Variants in PRKG1 observed in about 807,000 individuals in gnomAD.
PRKG1 encodes the protein cGMP-dependent protein kinase 1.
In PRKG1, 35 loss-of-function variants were observed where a neutral mutation model predicts 88.1. The ratio of observed to expected loss-of-function variants is 0.40; its 90% CI spans 0.30 to 0.53. The LOEUF is 0.53. PRKG1 is among the 20% of genes least tolerant of loss of function. The pLI, the probability that PRKG1 is intolerant of heterozygous loss-of-function variation, is 0.59. For missense variants in PRKG1, 540 were observed against 839.8 expected, an observed-to-expected ratio of 0.64 and a Z score of 4.41; for synonymous variants, 303 against 292.5, an observed-to-expected ratio of 1.04 and a Z score of -0.37.
chr10:51,627,525 T>C (rs1036037734), intron 3 of PRKG1, among the ~76,000 whole-genome samples: 2 of 152,202 alleles, frequency 1.3e-5, no homozygotes, highest in Non-Finnish European at 2.9e-5. Flanking sequence ...GATAGATGTA[T>C]GCTTCTTGTT....
intron 2 of PRKG1, among the ~76,000 whole-genome samples, chr10:51,312,172 C>G (rs1296558226): frequency 6.6e-6 from 1 of 152,136 alleles, no homozygotes; most frequent in African/African-American, 2.4e-5. Context: ...GCTCCCAGCC[C>G]TTCCTGATAT....
intron 2 of PRKG1, among the ~76,000 whole-genome samples, chr10:51,311,912 C>A (rs1234566201): frequency 2.0e-5 from 3 of 152,050 alleles, no homozygotes; most frequent in East Asian, 1.9e-4. Context: ...ACTCTTGTTA[C>A]CCAGGTTGGA....
intron 3 of PRKG1, among the ~76,000 whole-genome samples, chr10:51,742,237 A>G (rs1389458457): frequency 6.6e-6 from 1 of 152,208 alleles, no homozygotes; most frequent in Non-Finnish European, 1.5e-5. Flanking sequence ...TAAGATTTAC[A>G]TTGAACCTGA....
At chr10:51,491,493 C>T (rs1840706247) in intron 3 of PRKG1, among the ~76,000 whole-genome samples, 2 of 151,962 alleles carry the variant, frequency 1.3e-5, no homozygotes, top group African/African-American at 4.8e-5. Flanking sequence ...AGTCATCAAA[C>T]CCATTTGACA....
intron 3 of PRKG1, among the ~76,000 whole-genome samples, chr10:51,654,071 T>G (rs1303853569): frequency 1.3e-5 from 2 of 152,164 alleles, no homozygotes; most frequent in Non-Finnish European, 2.9e-5. Flanking sequence ...TCCTCTGCTT[T>G]TCGGGTCATA....
At chr10:51,569,453 G>T (rs931624810) in intron 3 of PRKG1, among the ~76,000 whole-genome samples, 1 of 151,938 alleles carries the variant, frequency 6.6e-6, no homozygotes, top group Non-Finnish European at 1.5e-5. Context: ...TTCTGTGCCA[G>T]GTTAAATAAT....
chr10:52,221,258 A>G (rs530718276), intron 9 of PRKG1, among the ~76,000 whole-genome samples: 4 of 152,266 alleles, frequency 2.6e-5, no homozygotes, highest in African/African-American at 7.2e-5. Flanking sequence ...CTTGCCTCAC[A>G]GAAGCCATAA....
intron 2 of PRKG1, among the ~76,000 whole-genome samples, chr10:51,175,972 A>G (rs1217301618): frequency 2.0e-5 from 3 of 152,164 alleles, no homozygotes; most frequent in Non-Finnish European, 4.4e-5. Flanking sequence ...TATTGAATGA[A>G]GTAATATATC....
At chr10:51,800,828 C>T (rs898095396) in intron 3 of PRKG1, among the ~76,000 whole-genome samples, 1 of 152,022 alleles carries the variant, frequency 6.6e-6, no homozygotes, top group Admixed American at 6.6e-5. Flanking sequence ...ACACTAATCC[C>T]ATCATGTGTG....
intron 2 of PRKG1, among the ~76,000 whole-genome samples, chr10:51,436,390 C>T (rs12256619): frequency 6.6e-6 from 1 of 152,016 alleles, no homozygotes; most frequent in East Asian, 1.9e-4. Flanking sequence ...CCAACTGATG[C>T]TGCAGTTTTT....
chr10:52,109,553 GGTCAGGA>G (rs1180564730), intron 7 of PRKG1, among the ~76,000 whole-genome samples: 1 of 152,080 alleles, frequency 6.6e-6, no homozygotes, highest in African/African-American at 2.4e-5. Context: ...GATCACCTGA[GGTCAGGA>G]GTTCAAGACC....
At chr10:51,558,350 A>G (rs1837366825) in intron 3 of PRKG1, among the ~76,000 whole-genome samples, 1 of 152,146 alleles carries the variant, frequency 6.6e-6, no homozygotes, top group Non-Finnish European at 1.5e-5. Flanking sequence ...AAGAAAAATT[A>G]AGTCACAAAT....
chr10:52,024,857 G>A (rs1362918930), intron 5 of PRKG1, among the ~76,000 whole-genome samples: 4 of 152,160 alleles, frequency 2.6e-5, no homozygotes, highest in Admixed American at 6.5e-5. Flanking sequence ...TAATGAGATC[G>A]CTGGGTCAAA....
chr10:52,034,408 G>T (rs1453221305), intron 5 of PRKG1, among the ~76,000 whole-genome samples: 1 of 144,754 alleles, frequency 6.9e-6, no homozygotes, highest in Non-Finnish European at 1.5e-5. Context: ...GGGTGATATT[G>T]TGGGGATGTT....
At chr10:51,073,704 G>A (rs557404130), upstream of PRKG1, among the ~76,000 whole-genome samples, 1 of 152,250 alleles carries the variant, frequency 6.6e-6, no homozygotes, top group East Asian at 1.9e-4. Flanking sequence ...CAACGCCTCG[G>A]GTGCTAAAAT....
At chr10:51,021,025 GGTGTGTGTCTGT>G (rs1337126365) in intron 1 of PRKG1, among the ~76,000 whole-genome samples, 10 of 151,966 alleles carry the variant, frequency 6.6e-5, no homozygotes, top group Non-Finnish European at 4.4e-5. Context: ...CCTATGTAGG[GGTGTGTGTCTGT>G]GTGTGTGTCT....
At chr10:52,074,132 T>C (rs1377939307) in intron 7 of PRKG1, among the ~76,000 whole-genome samples, 3 of 152,174 alleles carry the variant, frequency 2.0e-5, no homozygotes, top group Admixed American at 2.0e-4. Context: ...CTCATTATAA[T>C]AGGTACAAAT....
At chr10:52,119,083 A>T (rs1021155580) in intron 7 of PRKG1, among the ~76,000 whole-genome samples, 4 of 152,150 alleles carry the variant, frequency 2.6e-5, no homozygotes, top group Admixed American at 1.3e-4. Flanking sequence ...ATAAAGTATT[A>T]TTATGAAAAT....
chr10:51,414,129 T>A (rs1838175084), intron 2 of PRKG1, among the ~76,000 whole-genome samples: 1 of 152,224 alleles, frequency 6.6e-6, no homozygotes, highest in Non-Finnish European at 1.5e-5. Context: ...CTAATGTGTG[T>A]GCAGTGCCCA....
Sources: allele counts gnomAD v4.1 joint callset (sites outside exome capture counted in the v4.1 genomes callset), GRCh38; gene constraint gnomAD v4.1.1; transcripts MANE v1.5; gene names NCBI Gene and HGNC (gene_info 2026-07-23, HGNC 2026-07-21).